CSMD1: variants seen among roughly 807,000 people sequenced by gnomAD.
CSMD1 encodes the protein CUB and Sushi multiple domains 1.
In CSMD1, 213 loss-of-function variants were observed where a neutral mutation model predicts 417.5. That is an observed-to-expected ratio of 0.51 (90% CI 0.46 to 0.57). CSMD1 has a LOEUF of 0.57. Ranked by LOEUF, CSMD1 falls within the 20% of genes least tolerant of loss-of-function variation. The pLI is 0.00. For missense variants in CSMD1, 6,923 were observed against 4,529.7 expected, an observed-to-expected ratio of 1.53 and a Z score of -15.17; for synonymous variants, 2,862 against 1,736.8, an observed-to-expected ratio of 1.65 and a Z score of -16.11.
At chr8:4,438,330 C>G (rs1025264862) in intron 2 of CSMD1, among the ~76,000 whole-genome samples, 28 of 152,186 alleles carry the variant, frequency 1.8e-4, no homozygotes, top group African/African-American at 5.3e-4. Context: ...CACCAAATCT[C>G]CAGTCTCTGA....
chr8:4,912,469 T>C (rs371309018), intron 1 of CSMD1, among the ~76,000 whole-genome samples: 13 of 151,954 alleles, frequency 8.6e-5, no homozygotes, highest in African/African-American at 2.9e-4. Flanking sequence ...GAGGAGAGCA[T>C]TTCTAGAAAA....
chr8:3,830,964 G>C (rs1410712858), intron 5 of CSMD1, among the ~76,000 whole-genome samples: 1 of 152,046 alleles, frequency 6.6e-6, no homozygotes, highest in African/African-American at 2.4e-5. Context: ...GTTCACCTAG[G>C]ACGATTAACA....
At position 4,190,084 on chromosome 8, in the gene CSMD1, C is replaced by G. The variant is rs143645256; in HGVS notation, c.416-157985G>C. On this transcript the variant is annotated intron_variant, in intron 3 of 69. Coordinates refer to ENST00000635120, the MANE Select transcript of CSMD1 (RefSeq NM_033225.6). ...CCATCCTGGCTAACATGGTGAAACC[C>G]CATCTCTACTAAAAAATACAAAAAA... Among the ~76,000 whole-genome samples, 822 of 151,682 alleles carry G rather than the reference C, an allele frequency of 5.4e-3. 12 individuals are homozygous for G. Among genetic ancestry groups the G allele is most frequent in the African/African-American group, 0.019 (795 of 41,320 alleles).
At chr8:3,491,121 T>C (rs149445626) in intron 11 of CSMD1, among the ~76,000 whole-genome samples, 9 of 152,228 alleles carry the variant, frequency 5.9e-5, no homozygotes, top group Middle Eastern at 3.4e-3. Flanking sequence ...CAGCTGCTTA[T>C]AGAAGTGAAA....
chr8:4,226,067 G>GACACACACACAC (rs67767005), intron 3 of CSMD1, among the ~76,000 whole-genome samples: 3 of 143,514 alleles, frequency 2.1e-5, no homozygotes, highest in African/African-American at 7.7e-5. Context: ...CTGACAGGCG[G>GACACACACACAC]ACACACACAC....
chr8:4,600,084 T>G (rs970379164), intron 2 of CSMD1, among the ~76,000 whole-genome samples: 1 of 152,150 alleles, frequency 6.6e-6, no homozygotes, highest in Non-Finnish European at 1.5e-5. Flanking sequence ...ACTGTGGAGT[T>G]AGGACTAGAG....
chr8:3,699,615 C>T (rs1249507486), intron 7 of CSMD1, among the ~76,000 whole-genome samples: 1 of 152,152 alleles, frequency 6.6e-6, no homozygotes, highest in Non-Finnish European at 1.5e-5. Context: ...TTTACTCAAT[C>T]ATCAGTAAAT....
chr8:4,773,623 T>C (rs1459173829), intron 1 of CSMD1, among the ~76,000 whole-genome samples: 1 of 152,182 alleles, frequency 6.6e-6, no homozygotes, highest in East Asian at 1.9e-4. Flanking sequence ...GTGTTTGTCA[T>C]CTCCTTTTGG....
At chr8:4,404,489 T>G (rs1347986217) in intron 3 of CSMD1, among the ~76,000 whole-genome samples, 1 of 152,066 alleles carries the variant, frequency 6.6e-6, no homozygotes, top group Non-Finnish European at 1.5e-5. Context: ...GCATATTGAG[T>G]GATACAAAGA....
At chr8:3,723,776 A>G (rs1364220553) in intron 6 of CSMD1, among the ~76,000 whole-genome samples, 1 of 152,210 alleles carries the variant, frequency 6.6e-6, no homozygotes, top group Non-Finnish European at 1.5e-5. Context: ...AAAGAGATGC[A>G]TAAAGTGAAC....
intron 3 of CSMD1, among the ~76,000 whole-genome samples, chr8:4,310,707 G>C (rs936796344): frequency 1.3e-5 from 2 of 152,090 alleles, no homozygotes; most frequent in Admixed American, 6.6e-5. Context: ...GAACCTGCAA[G>C]ACACGCAAGC....
At chr8:3,503,319 G>C (rs1451370943) in intron 10 of CSMD1, among the ~76,000 whole-genome samples, 4 of 152,218 alleles carry the variant, frequency 2.6e-5, no homozygotes, top group Non-Finnish European at 5.9e-5. Context: ...TCAATGCACT[G>C]CTATGAAGAA....
intron 3 of CSMD1, among the ~76,000 whole-genome samples, chr8:4,143,928 G>T (rs1055694164): frequency 6.6e-6 from 1 of 151,226 alleles, no homozygotes; most frequent in Non-Finnish European, 1.5e-5. Context: ...ATTGGCCCGT[G>T]TTGCAGATGA....
At chr8:3,826,951 T>A (rs1264559644) in intron 5 of CSMD1, among the ~76,000 whole-genome samples, 2 of 152,100 alleles carry the variant, frequency 1.3e-5, no homozygotes, top group East Asian at 1.9e-4. Flanking sequence ...GCTATTTTTT[T>A]AAATATAATT....
intron 5 of CSMD1, among the ~76,000 whole-genome samples, chr8:3,884,418 C>A (rs1223462266): frequency 6.6e-6 from 1 of 152,104 alleles, no homozygotes; most frequent in African/African-American, 2.4e-5. Context: ...AATCTTGTTA[C>A]AAGGGACACA....
intron 5 of CSMD1, among the ~76,000 whole-genome samples, chr8:3,882,520 T>C (rs1261020771): frequency 1.3e-5 from 2 of 152,212 alleles, no homozygotes; most frequent in Admixed American, 1.3e-4. Flanking sequence ...GTTGAGCACA[T>C]GCATACACTG....
intron 1 of CSMD1, among the ~76,000 whole-genome samples, chr8:4,676,941 A>G (rs1021439442): frequency 1.6e-4 from 23 of 147,676 alleles, no homozygotes; most frequent in African/African-American, 4.9e-4. Context: ...TGATATATAT[A>G]GAGAAATTAT....
chr8:4,290,637 G>C (rs957860221), intron 3 of CSMD1, among the ~76,000 whole-genome samples: 1 of 152,206 alleles, frequency 6.6e-6, no homozygotes, highest in African/African-American at 2.4e-5. Flanking sequence ...AAGATTCCTT[G>C]TGAGAAGTAT....
chr8:4,799,236 G>C (rs183140252), intron 1 of CSMD1, among the ~76,000 whole-genome samples: 52 of 152,210 alleles, frequency 3.4e-4, no homozygotes, highest in Middle Eastern at 6.8e-3. Context: ...GAAACGGTAA[G>C]GGATAACACC....
Sources: allele counts gnomAD v4.1 joint callset (sites outside exome capture counted in the v4.1 genomes callset), GRCh38; gene constraint gnomAD v4.1.1; transcripts MANE v1.5; gene names NCBI Gene and HGNC (gene_info 2026-07-23, HGNC 2026-07-21).